The following OPN3 variants were observed in gnomAD, a reference collection of about 807,000 sequenced individuals.
The protein encoded by OPN3 is opsin 3, also known as opsin-3.
In OPN3, 29 loss-of-function variants were observed where a neutral mutation model predicts 33.8. That is an observed-to-expected ratio of 0.86 (90% confidence interval 0.64 to 1.17). The LOEUF (loss-of-function observed/expected upper bound fraction) is 1.17, where lower values mean the gene tolerates loss of function less well. Among genes scored for constraint, OPN3 ranks in the 50% most tolerant of loss-of-function variants. The pLI is 0.00. For missense variants in OPN3, 437 were observed against 514.1 expected (o/e 0.85, Z 1.45); for synonymous variants, 216 against 216.1 (o/e 1.00, Z 0.00).
In OPN3 at chr1:241,604,495, C is replaced by T. The variant is rs1418375671; in HGVS notation, c.458G>A (p.Trp153Ter). ...GATGTAGGTAATGGCCCTCCAGGCC[C>T]AGGAAAAATTGATCACTCTGGCATG... Reference protein sequence around the residue: ...VVHARVINFSWAWRAITYIWL... With the variant: ...VVHARVINFS The change falls in exon 2 of 4, where the codon TGG becomes TAG. Residue 153 changes from tryptophan to a stop codon, truncating the protein, a stop_gained. Transcript: ENST00000366554. LOFTEE classifies it high-confidence loss of function. 6.2e-7 allele frequency: 1 copy of T among 1,614,104 alleles called. No individual in the cohort carries two copies. The highest frequency in any genetic ancestry group is 1.7e-5 in the Admixed American group (1 of 60,018).
chr1:241,622,471 T>G (rs1664291346), intron 1 of OPN3, among the ~76,000 whole-genome samples: 1 of 152,180 alleles, frequency 6.6e-6, no homozygotes, highest in African/African-American at 2.4e-5. Flanking sequence ...TCCCTCTTAT[T>G]TATGTCACAA....
intron 1 of OPN3, chr1:241,635,424 C>T (rs146511670): frequency 5.6e-6 from 9 of 1,613,990 alleles, no homozygotes; most frequent in Non-Finnish European, 6.8e-6. Context: ...GCACCAATCT[C>T]TTCAACGTTG....
chr1:241,604,141 A>T, intron 2 of OPN3, 119 bp downstream of exon 2: 1 of 850,266 alleles, frequency 1.2e-6, no homozygotes, highest in Non-Finnish European at 1.9e-6. Context: ...GAAGTCCCCT[A>T]GAACTGCTCT....
rs150234673 is a variant in OPN3, at chr1:241,613,761, G to A, written c.374-9182C>T. ...TTTTCCACATCAGGATGTGGAAACT[G>A]CATTCTATTAAATTTTCATGTTCAG... is the stretch of plus-strand genomic sequence containing the variant. On this transcript the variant is annotated intron_variant, in intron 1 of 3. Coordinates refer to ENST00000366554, the MANE Select transcript of OPN3 (RefSeq NM_014322.3). Among the ~76,000 whole-genome samples the A allele has an allele frequency of 7.8e-3, 1,192 of 152,244 alleles. 6 individuals are homozygous for A. The highest frequency in any genetic ancestry group is 0.012 in the Non-Finnish European group (788 of 68,014).
intron 1 of OPN3, among the ~76,000 whole-genome samples, chr1:241,605,119 CA>C (rs1195901538): frequency 6.6e-6 from 1 of 150,574 alleles, no homozygotes; most frequent in African/African-American, 2.4e-5. Flanking sequence ...AAAGATTAGA[CA>C]AAAATTAAAA....
At chr1:241,619,535 G>A (rs556487820) in intron 1 of OPN3, among the ~76,000 whole-genome samples, 78 of 152,210 alleles carry the variant, frequency 5.1e-4, no homozygotes, top group Middle Eastern at 3.4e-3. Flanking sequence ...ATATTTTATA[G>A]AACCTGACAC....
intron 1 of OPN3, among the ~76,000 whole-genome samples, chr1:241,625,434 C>T (rs1262505891): frequency 6.6e-6 from 1 of 152,158 alleles, no homozygotes; most frequent in Non-Finnish European, 1.5e-5. Flanking sequence ...AGGTAGTTGC[C>T]ATGCATAGAA....
chr1:241,596,220 T>C (rs1049662386), intron 3 of OPN3, among the ~76,000 whole-genome samples: 1 of 152,238 alleles, frequency 6.6e-6, no homozygotes, highest in African/African-American at 2.4e-5. Flanking sequence ...TTTTGTCTGT[T>C]GAGAGGGTGG....
chr1:241,611,309 T>C (rs562764582), intron 1 of OPN3, among the ~76,000 whole-genome samples: 2 of 152,196 alleles, frequency 1.3e-5, no homozygotes, highest in Admixed American at 6.5e-5. Context: ...TCAATCCTTA[T>C]CTGTTGTATG....
At chr1:241,599,340 C>G (rs180816281) in intron 2 of OPN3, among the ~76,000 whole-genome samples, 1 of 151,590 alleles carries the variant, frequency 6.6e-6, no homozygotes, top group Non-Finnish European at 1.5e-5. Context: ...ACCACTATGC[C>G]AATTACTTTA....
In OPN3 at chr1:241,640,305, G is replaced by A. The variant is rs957650441; in HGVS notation, c.-51C>T. ...GCGGAGGCGCTCAGCTTGCGGCGGGGCTCGCGGCGCGCTCCGCACTGGGTG... is the reference window on the plus strand; with the variant it reads ...GCGGAGGCGCTCAGCTTGCGGCGGGACTCGCGGCGCGCTCCGCACTGGGTG... On this transcript the variant is annotated 5_prime_UTR_variant, in exon 1 of 4. Transcript: ENST00000366554. 13 of 1,107,908 alleles carry A rather than the reference G, an allele frequency of 1.2e-5. No homozygotes were observed. The African/African-American group carries it at 2.0e-4, about 17-fold the overall frequency. The allele number at this position is 1,107,908 out of a possible 1,614,324, so 68.6% of individuals were successfully genotyped here. A position where few individuals can be genotyped will look rare whatever the true frequency, so the allele number is the denominator to read the frequency against.
chr1:241,603,845 C>A (rs1371512757), intron 2 of OPN3, among the ~76,000 whole-genome samples: 2 of 152,166 alleles, frequency 1.3e-5, no homozygotes, highest in Admixed American at 6.5e-5. Flanking sequence ...CAGTTCTTAC[C>A]CTTTATGACT....
intron 1 of OPN3, chr1:241,633,771 A>C (rs1222515292): frequency 4.8e-5 from 78 of 1,610,666 alleles, no homozygotes; most frequent in Non-Finnish European, 6.1e-5. Context: ...GGAGGTCCAA[A>C]ACAGCATTTC....
chr1:241,632,631 C>T (rs1385710123), intron 1 of OPN3: 1 of 152,098 alleles, frequency 6.6e-6, no homozygotes, highest in Admixed American at 6.6e-5. Context: ...CTCTGGATAA[C>T]AGCTAAGAGG....
In OPN3 at chr1:241,640,163, C is replaced by A; in HGVS notation, c.92G>T (p.Ser31Ile). ...AEGPAPAGTLSPAPLFSPGTY... is the reference protein window; with the variant it reads ...AEGPAPAGTLIPAPLFSPGTY... Reference sequence around the variant, plus strand: ...GCCGGGGCTGAAGAGGGGCGCGGGGCTCAGTGTCCCCGCCGGCGCCGGCCC... The same window carrying A: ...GCCGGGGCTGAAGAGGGGCGCGGGGATCAGTGTCCCCGCCGGCGCCGGCCC... The change falls in exon 1 of 4, where the codon AGC becomes ATC. Residue 31 changes from serine (S) to isoleucine (I), a missense_variant. Coordinates refer to ENST00000366554, the MANE Select transcript of OPN3 (RefSeq NM_014322.3). 3 of 1,477,456 alleles carry A rather than the reference C, an allele frequency of 2.0e-6. No homozygotes were observed. The highest frequency in any genetic ancestry group is 2.7e-6 in the Non-Finnish European group (3 of 1,117,548). The allele number at this position is 1,477,456 out of a possible 1,614,324, so 91.5% of individuals were successfully genotyped here.
chr1:241,623,107 A>AG (rs199655237), intron 1 of OPN3, among the ~76,000 whole-genome samples: 4 of 151,286 alleles, frequency 2.6e-5, no homozygotes, highest in Admixed American at 2.6e-4. Flanking sequence ...AACAAAAAAA[A>AG]CAAACAAAAA....
intron 1 of OPN3, among the ~76,000 whole-genome samples, chr1:241,606,546 AAAATAAATAAATAAATAAATAAAT>A (rs10677298): frequency 7.7e-5 from 11 of 142,038 alleles, no homozygotes; most frequent in Admixed American, 3.5e-4. Flanking sequence ...ACTCTGATTC[AAAATAAATAAATAAATAAATAAAT>A]AAATAAATAA....
intron 1 of OPN3, among the ~76,000 whole-genome samples, chr1:241,613,151 C>T (rs548290161): frequency 1.3e-5 from 2 of 152,088 alleles, no homozygotes; most frequent in Non-Finnish European, 2.9e-5. Flanking sequence ...AGTTTCCTTC[C>T]TCCTTTTTAT....
intron 1 of OPN3, chr1:241,634,783 A>G: frequency 1.9e-6 from 3 of 1,613,936 alleles, no homozygotes; most frequent in Non-Finnish European, 2.5e-6. Flanking sequence ...TTAGTTTTTT[A>G]GTTTTTAAGT....
Sources: gnomAD v4.1 joint callset for allele counts (sites outside exome capture counted in the v4.1 genomes callset) on GRCh38, gnomAD v4.1.1 for gene constraint, MANE v1.5 for transcripts, NCBI Gene and HGNC (gene_info 2026-07-23, HGNC 2026-07-21) for gene names.